Variants in ASIC2 observed in about 807,000 individuals in gnomAD.
ASIC2 encodes acid-sensing ion channel 2.
Under a neutral mutation model 57.3 loss-of-function variants are expected in ASIC2, and 25 were observed. That is an observed-to-expected ratio of 0.44 (90% CI 0.32 to 0.61). The LOEUF (loss-of-function observed/expected upper bound fraction) is 0.61. Ranked by LOEUF, ASIC2 falls within the 20% of genes least tolerant of loss-of-function variation. ASIC2 has a pLI of 0.06. For missense variants in ASIC2, 641 were observed against 738.1 expected (o/e 0.87, Z 1.52); for synonymous variants, 319 against 307.5 (o/e 1.04, Z -0.39).
At chr17:33,746,482 C>A (rs1200601396) in intron 1 of ASIC2, among the ~76,000 whole-genome samples, 1 of 149,822 alleles carries the variant, frequency 6.7e-6, no homozygotes, top group Non-Finnish European at 1.5e-5. Context: ...GTATGTATAT[C>A]TACATATATG....
At chr17:33,717,206 T>C (rs1399774595) in intron 1 of ASIC2, among the ~76,000 whole-genome samples, 1 of 152,150 alleles carries the variant, frequency 6.6e-6, no homozygotes, top group Non-Finnish European at 1.5e-5. Context: ...TTCAGGAAAA[T>C]ATGTTAATTT....
At chr17:33,269,613 C>CCCTTCCTTCCTTCCCTCCTTCCTT (rs1904366534) in intron 1 of ASIC2, among the ~76,000 whole-genome samples, 1 of 73,340 alleles carries the variant, frequency 1.4e-5, no homozygotes, top group East Asian at 4.2e-4. Context: ...AGGGCTCCTT[C>CCCTTCCTTCCTTCCCTCCTTCCTT]CCTTCCTTCC....
chr17:34,023,147 C>T (rs1907244927), intron 1 of ASIC2, among the ~76,000 whole-genome samples: 1 of 152,016 alleles, frequency 6.6e-6, no homozygotes, highest in Non-Finnish European at 1.5e-5. Flanking sequence ...TCATGTAGTT[C>T]TTTACACAAT....
At chr17:33,057,394 A>G (rs952889594) in intron 3 of ASIC2, among the ~76,000 whole-genome samples, 3 of 152,244 alleles carry the variant, frequency 2.0e-5, no homozygotes, top group African/African-American at 7.2e-5. Flanking sequence ...TGAGCTATAA[A>G]TCAAGGGGAA....
At chr17:33,822,597 G>A (rs775436373) in intron 1 of ASIC2, among the ~76,000 whole-genome samples, 6 of 152,182 alleles carry the variant, frequency 3.9e-5, no homozygotes, top group Non-Finnish European at 7.3e-5. Context: ...TGGGAAGAGA[G>A]GAGATGAGAT....
intron 1 of ASIC2, among the ~76,000 whole-genome samples, chr17:33,277,403 T>C (rs1165884432): frequency 6.6e-6 from 1 of 152,232 alleles, no homozygotes; most frequent in African/African-American, 2.4e-5. Flanking sequence ...AATTCTCTTC[T>C]CTGGGCCTTA....
chr17:33,597,903 T>C (rs1339145643), intron 1 of ASIC2, among the ~76,000 whole-genome samples: 1 of 152,232 alleles, frequency 6.6e-6, no homozygotes, highest in Non-Finnish European at 1.5e-5. Flanking sequence ...CCCTCTTTCC[T>C]TTTCTTTCCC....
At chr17:33,423,632 T>C (rs961734616) in intron 1 of ASIC2, among the ~76,000 whole-genome samples, 24 of 152,202 alleles carry the variant, frequency 1.6e-4, no homozygotes, top group Non-Finnish European at 1.5e-4. Flanking sequence ...GAGTCCTCTC[T>C]CCTTGCCCTG....
At chr17:33,199,752 C>T (rs1334860944) in intron 1 of ASIC2, among the ~76,000 whole-genome samples, 2 of 152,288 alleles carry the variant, frequency 1.3e-5, no homozygotes, top group Admixed American at 6.5e-5. Context: ...AAGACTACTT[C>T]CTATGTGTAC....
chr17:33,310,204 C>A (rs1204263421), intron 1 of ASIC2, among the ~76,000 whole-genome samples: 1 of 151,730 alleles, frequency 6.6e-6, no homozygotes, highest in South Asian at 2.1e-4. Flanking sequence ...TAAGAGTTGA[C>A]ATTTATGCTT....
At chr17:33,923,680 G>A (rs1324270126) in intron 1 of ASIC2, among the ~76,000 whole-genome samples, 1 of 152,142 alleles carries the variant, frequency 6.6e-6, no homozygotes, top group Non-Finnish European at 1.5e-5. Flanking sequence ...AGGGATCACT[G>A]GCTAATAATG....
At chr17:33,103,075 A>G (rs193032398) in intron 2 of ASIC2, among the ~76,000 whole-genome samples, 14 of 152,264 alleles carry the variant, frequency 9.2e-5, no homozygotes, top group Non-Finnish European at 1.8e-4. Context: ...GAGCCACAGC[A>G]CCCGGCCACA....
intron 1 of ASIC2, among the ~76,000 whole-genome samples, chr17:34,104,532 T>C (rs1171920944): frequency 6.6e-6 from 1 of 152,112 alleles, no homozygotes; most frequent in Non-Finnish European, 1.5e-5. Context: ...TGGCCTTTTT[T>C]TTCTGATCTT....
chr17:34,089,017 G>A (rs1019892530), intron 1 of ASIC2, among the ~76,000 whole-genome samples: 7 of 152,110 alleles, frequency 4.6e-5, no homozygotes, highest in South Asian at 2.1e-4. Context: ...GCCCTGCTTC[G>A]GCTCGCACAC....
At chr17:33,375,393 C>A (rs1264735309) in intron 1 of ASIC2, among the ~76,000 whole-genome samples, 2 of 148,334 alleles carry the variant, frequency 1.3e-5, no homozygotes, top group Admixed American at 1.3e-4. Context: ...GGGCAGAGAG[C>A]GAGGGGGAGA....
chr17:33,913,494 C>G (rs1915512867), intron 1 of ASIC2, among the ~76,000 whole-genome samples: 1 of 152,086 alleles, frequency 6.6e-6, no homozygotes, highest in Non-Finnish European at 1.5e-5. Context: ...TTGCAAAGAC[C>G]TCCCCTTTAG....
intron 1 of ASIC2, among the ~76,000 whole-genome samples, chr17:33,500,508 T>C (rs1473585402): frequency 6.6e-6 from 1 of 152,208 alleles, no homozygotes; most frequent in Non-Finnish European, 1.5e-5. Context: ...CACGTGATTC[T>C]CATTGTAGGA....
At chr17:33,195,113 T>C (rs1272545532) in intron 1 of ASIC2, among the ~76,000 whole-genome samples, 38 of 152,158 alleles carry the variant, frequency 2.5e-4, no homozygotes, top group Non-Finnish European at 7.4e-5. Flanking sequence ...GCCTGAATTG[T>C]GACATATTAT....
At chr17:33,634,117 T>C (rs1301891212) in intron 1 of ASIC2, among the ~76,000 whole-genome samples, 5 of 149,576 alleles carry the variant, frequency 3.3e-5, no homozygotes, top group Non-Finnish European at 7.4e-5. Context: ...ACGTGGATTT[T>C]AGAGCTAAGC....
Sources: allele counts gnomAD v4.1 joint callset (sites outside exome capture counted in the v4.1 genomes callset), GRCh38; gene constraint gnomAD v4.1.1; transcripts MANE v1.5; gene names NCBI Gene and HGNC (gene_info 2026-07-23, HGNC 2026-07-21).